LIPC: variants seen among roughly 807,000 people sequenced by gnomAD.
The protein encoded by LIPC is lipase C, hepatic type.
A neutral mutation model predicts 50.7 loss-of-function variants in LIPC; 44 were observed. That is an observed-to-expected ratio of 0.87 (90% CI 0.68 to 1.11). The LOEUF (loss-of-function observed/expected upper bound fraction) is 1.11, where lower values mean the gene tolerates loss of function less well. LIPC is among the 50% of genes most tolerant of loss of function. The pLI is 0.00. For synonymous variants in LIPC, 271 were observed against 256.4 expected, an observed-to-expected ratio of 1.06 and a Z score of -0.54; for missense variants, 697 against 648.2, an observed-to-expected ratio of 1.08 and a Z score of -0.82.
rs200921439 is a variant in LIPC, at chr15:58,542,332, G to A, written c.457-202G>A. Reference sequence around the variant, plus strand: ...GGGGAAGACAGGCAGGCAGGAGGCTGCAGCTACAAGGCGAGGTCACAGGTA... The same window carrying A: ...GGGGAAGACAGGCAGGCAGGAGGCTACAGCTACAAGGCGAGGTCACAGGTA... On this transcript the variant is annotated intron_variant, in intron 3 of 8. Coordinates refer to ENST00000299022, the MANE Select transcript of LIPC (RefSeq NM_000236.3). 5.9e-5 allele frequency among the ~76,000 whole-genome samples: 9 copies of A among 152,322 alleles called. No homozygotes were observed. The East Asian group carries it at 1.5e-3, about 26-fold the overall frequency.
chr15:58,541,675 G>A, intron 2 of LIPC, 110 bp from the exon 3 acceptor site: 1 of 1,137,522 alleles, frequency 8.8e-7, no homozygotes, highest in Non-Finnish European at 1.3e-6. Flanking sequence ...GCATGGCTGA[G>A]AAACGTCATA....
At chr15:58,532,585 C>G (rs1595925701) in intron 1 of LIPC, among the ~76,000 whole-genome samples, 2 of 152,178 alleles carry the variant, frequency 1.3e-5, no homozygotes, top group Non-Finnish European at 1.5e-5. Flanking sequence ...AGGGGCATAG[C>G]AATACCCGAG....
At chr15:58,457,408 C>T (rs967377843) in intron 1 of LIPC, among the ~76,000 whole-genome samples, 1 of 152,210 alleles carries the variant, frequency 6.6e-6, no homozygotes. Context: ...CCGCGCCCGG[C>T]AGACATGACG....
At chr15:58,545,713 C>T (rs781089971) in intron 4 of LIPC, 29 bp from the exon 5 acceptor site, 64 of 1,594,764 alleles carry the variant, frequency 4.0e-5, no homozygotes, top group African/African-American at 5.4e-5. Context: ...CTTGCTCCTG[C>T]GTAACCCTTA....
At chr15:58,473,515 G>A (rs1421531046) in intron 1 of LIPC, 1 of 152,242 alleles carries the variant, frequency 6.6e-6, no homozygotes, top group Non-Finnish European at 1.5e-5. Context: ...AACTCCAGGG[G>A]AAATGTCTGG....
intron 1 of LIPC, among the ~76,000 whole-genome samples, chr15:58,485,838 G>T (rs1231752697): frequency 2.0e-5 from 3 of 152,232 alleles, no homozygotes; most frequent in African/African-American, 7.2e-5. Flanking sequence ...AGGCATTGAG[G>T]TTACTTTCCA....
intron 8 of LIPC, among the ~76,000 whole-genome samples, chr15:58,564,834 G>A (rs1011611641): frequency 6.6e-5 from 10 of 152,126 alleles, no homozygotes; most frequent in Admixed American, 2.6e-4. Context: ...CATAGCAACC[G>A]TGCTTTTCGG....
At chr15:58,502,088 G>T (rs1249950403) in intron 1 of LIPC, among the ~76,000 whole-genome samples, 3 of 152,110 alleles carry the variant, frequency 2.0e-5, no homozygotes, top group African/African-American at 7.2e-5. Flanking sequence ...GTGACCAGAG[G>T]GCAATGCCAG....
intron 1 of LIPC, among the ~76,000 whole-genome samples, chr15:58,465,556 C>G (rs1281215643): frequency 6.6e-6 from 1 of 152,134 alleles, no homozygotes; most frequent in Non-Finnish European, 1.5e-5. Context: ...AAATGCTCAA[C>G]CAAGGGCAGA....
At chr15:58,541,682 C>T (rs1893329167) in intron 2 of LIPC, 103 bp from the exon 3 acceptor site, 1 of 1,213,130 alleles carries the variant, frequency 8.2e-7, no homozygotes, top group South Asian at 1.3e-5. Flanking sequence ...TGAGAAACGT[C>T]ATAGCAAGCC....
chr15:58,492,351 A>T (rs571483870), intron 1 of LIPC, among the ~76,000 whole-genome samples: 1 of 152,318 alleles, frequency 6.6e-6, no homozygotes, highest in Admixed American at 6.5e-5. Flanking sequence ...ATTAATTGAT[A>T]TTATTGTAAT....
chr15:58,479,751 C>T (rs1595884189), intron 1 of LIPC, among the ~76,000 whole-genome samples: 1 of 152,218 alleles, frequency 6.6e-6, no homozygotes, highest in Non-Finnish European at 1.5e-5. Context: ...ATTCATCTTT[C>T]ATAGACCAAT....
chr15:58,519,625 T>C (rs1892592470), intron 1 of LIPC, among the ~76,000 whole-genome samples: 1 of 152,244 alleles, frequency 6.6e-6, no homozygotes. Context: ...AGGTTCTCTC[T>C]GCCTTGCTTA....
Position 58,471,330 on chromosome 15 carries a change from G to GGGGC in LIPC, c.88+39213_88+39214insCGGG, listed in dbSNP as rs767745717. ...TTTTTTTGTATTTTTAGTAGAGATG[G>GGGGC]GGGGGGGTGGTCTCACCATGTTGGC... On this transcript the variant is annotated intron_variant, in intron 1 of 8. Transcript: ENST00000299022. Among the ~76,000 whole-genome samples the GGGGC allele has an allele frequency of 1.4e-4, 17 of 118,414 alleles. 1 individual carries two copies. In the East Asian group the frequency reaches 2.8e-3, roughly 19 times the overall value. The allele number at this position is 118,414 out of a possible 152,430, so 77.7% of individuals were successfully genotyped here.
intron 1 of LIPC, among the ~76,000 whole-genome samples, chr15:58,467,573 G>T (rs1011406034): frequency 6.6e-6 from 1 of 152,004 alleles, no homozygotes; most frequent in Non-Finnish European, 1.5e-5. Context: ...CTGGGCTTAC[G>T]TCAGGCTGTT....
chr15:58,513,349 ACT>A (rs1892391063), intron 1 of LIPC, among the ~76,000 whole-genome samples: 1 of 152,168 alleles, frequency 6.6e-6, no homozygotes, highest in Admixed American at 6.5e-5. Flanking sequence ...ACTAGAAGAA[ACT>A]CTGCACCAGC....
intron 1 of LIPC, among the ~76,000 whole-genome samples, chr15:58,471,030 G>A (rs988217475): frequency 4.6e-5 from 7 of 151,790 alleles, no homozygotes; most frequent in African/African-American, 1.7e-4. Context: ...TAGTATTTTT[G>A]CAGGAGAAAT....
At chr15:58,563,189 G>C (rs1436892032) in intron 7 of LIPC, among the ~76,000 whole-genome samples, 2 of 152,180 alleles carry the variant, frequency 1.3e-5, no homozygotes, top group African/African-American at 4.8e-5. Context: ...AAGCCCCACT[G>C]TCTCCACAGC....
intron 1 of LIPC, among the ~76,000 whole-genome samples, chr15:58,510,226 G>A (rs1210787060): frequency 6.6e-6 from 1 of 152,198 alleles, no homozygotes; most frequent in Non-Finnish European, 1.5e-5. Flanking sequence ...GTCCACTGTT[G>A]TTCCTATTTA....
Sources: gnomAD v4.1 joint callset for allele counts (sites outside exome capture counted in the v4.1 genomes callset) on GRCh38, gnomAD v4.1.1 for gene constraint, MANE v1.5 for transcripts, NCBI Gene and HGNC (gene_info 2026-07-23, HGNC 2026-07-21) for gene names.